Variants in TANC1 observed in about 807,000 individuals in gnomAD.
The protein encoded by TANC1 is protein TANC1.
Under a neutral mutation model 149.7 loss-of-function variants are expected in TANC1, and 77 were observed. The ratio of observed to expected loss-of-function variants is 0.51; its 90% CI spans 0.43 to 0.62. The LOEUF (loss-of-function observed/expected upper bound fraction) is 0.62. Ranked by LOEUF, TANC1 falls within the 20% of genes least tolerant of loss-of-function variation. The probability of loss-of-function intolerance (pLI) is 0.00; values close to 1 mark genes in which losing one functional copy is unlikely to be tolerated. For missense variants in TANC1, 1,985 were observed against 2,321.8 expected (o/e 0.85, Z 2.98); for synonymous variants, 854 against 925.0 (o/e 0.92, Z 1.39).
At chr2:159,201,512 G>A (rs1285347891) in intron 19 of TANC1, among the ~76,000 whole-genome samples, 1 of 152,194 alleles carries the variant, frequency 6.6e-6, no homozygotes, top group African/African-American at 2.4e-5. Flanking sequence ...GTACTGCTGT[G>A]TGCATTGTTG....
At chr2:158,994,915 G>A (rs1367157010) in intron 1 of TANC1, among the ~76,000 whole-genome samples, 2 of 152,224 alleles carry the variant, frequency 1.3e-5, no homozygotes, top group East Asian at 1.9e-4. Flanking sequence ...TACTAAAGGT[G>A]TATTTAAGCC....
Position 159,217,552 on chromosome 2 carries a change from G to C in TANC1, c.3300G>C (p.Gly1100=), listed in dbSNP as rs759092889. The C allele has an allele frequency of 1.8e-5, 29 of 1,614,132 alleles. No individual in the cohort carries two copies. The highest frequency in any genetic ancestry group is 2.5e-5 in the Non-Finnish European group (29 of 1,180,046). The change falls in exon 20 of 27, where the codon GGG becomes GGC. Residue 1100 remains glycine (G), a synonymous_variant. Transcript: ENST00000263635. ...TGGAGGTCTGTGAGCTGCTGCTGGG[G>C]CATGGAGCTGCTGTGTCGCGGACAA... ...GKLEVCELLL[G]HGAAVSRTNR... is the part of the protein sequence containing the mutation.
intron 3 of TANC1, among the ~76,000 whole-genome samples, chr2:159,095,134 G>A (rs1333599404): frequency 6.6e-6 from 1 of 151,866 alleles, no homozygotes. Context: ...TTTTAGTAGA[G>A]ACAGGGTTTC....
At chr2:159,181,328 C>T (rs1341780573) in intron 14 of TANC1, among the ~76,000 whole-genome samples, 1 of 150,728 alleles carries the variant, frequency 6.6e-6, no homozygotes, top group Non-Finnish European at 1.5e-5. Context: ...GACGGAGTCT[C>T]GCTGTCGCCC....
chr2:159,065,970 A>C lies in TANC1; in HGVS notation c.60A>C (p.Ala20=). Residue 20 remains alanine (A), a splice_region_variant and synonymous_variant, in exon 3 of 27, where the codon GCA becomes GCC. Coordinates refer to ENST00000263635, the MANE Select transcript of TANC1 (RefSeq NM_033394.3). ...GAGGAAAGGGAGGCAAGAAGGAAGC[A>C]GGTATGTGTGCAAGAATGAGAAGCT... ...REGGKGGKKE[A]GSDFGPETSP... is the part of the protein sequence containing the mutation. The C allele has an allele frequency of 6.2e-7, 1 of 1,612,550 alleles. No individual in the cohort carries two copies. Among genetic ancestry groups the C allele is most frequent in the Non-Finnish European group, 8.5e-7 (1 of 1,178,540 alleles).
chr2:158,975,501 AG>A (rs1477855914), intron 1 of TANC1, among the ~76,000 whole-genome samples: 1 of 152,128 alleles, frequency 6.6e-6, no homozygotes, highest in Non-Finnish European at 1.5e-5. Context: ...GCATATTTGA[AG>A]CATAAGGTTG....
At chr2:159,117,792 T>C (rs1030752669) in intron 4 of TANC1, among the ~76,000 whole-genome samples, 1 of 150,890 alleles carries the variant, frequency 6.6e-6, no homozygotes, top group African/African-American at 2.4e-5. Flanking sequence ...ATATTGCATT[T>C]AGTTGTCAGG....
intron 4 of TANC1, among the ~76,000 whole-genome samples, chr2:159,109,717 A>G (rs924793873): frequency 1.3e-5 from 2 of 152,186 alleles, no homozygotes; most frequent in Admixed American, 6.5e-5. Flanking sequence ...CCCAGTGTCC[A>G]TGTGCTGCAC....
At chr2:159,003,401 C>T (rs1409901860) in intron 2 of TANC1, among the ~76,000 whole-genome samples, 2 of 152,154 alleles carry the variant, frequency 1.3e-5, no homozygotes, top group African/African-American at 2.4e-5. Context: ...TAACAGGATG[C>T]TTAGGAACAG....
At chr2:159,173,829 C>T (rs2055536394) in intron 11 of TANC1, among the ~76,000 whole-genome samples, 2 of 152,226 alleles carry the variant, frequency 1.3e-5, no homozygotes, top group South Asian at 4.1e-4. Context: ...CCAAAAGTCT[C>T]ATGGCAACTC....
At chr2:159,139,372 A>C (rs2051117729) in intron 5 of TANC1, among the ~76,000 whole-genome samples, 1 of 152,208 alleles carries the variant, frequency 6.6e-6, no homozygotes, top group African/African-American at 2.4e-5. Flanking sequence ...GCCCATTTTC[A>C]TGTCAAATGG....
intron 2 of TANC1, among the ~76,000 whole-genome samples, chr2:159,013,617 T>A (rs958890235): frequency 3.3e-5 from 5 of 152,176 alleles, no homozygotes; most frequent in Non-Finnish European, 7.3e-5. Context: ...CCAATGTGCC[T>A]GACACAGTAC....
intron 2 of TANC1, among the ~76,000 whole-genome samples, chr2:159,043,991 C>T (rs994516613): frequency 6.6e-6 from 1 of 152,158 alleles, no homozygotes; most frequent in Admixed American, 6.5e-5. Context: ...TACAGACTGT[C>T]CTGTTAACTT....
chr2:159,126,755 T>C (rs1172951435), intron 4 of TANC1, among the ~76,000 whole-genome samples: 1 of 152,262 alleles, frequency 6.6e-6, no homozygotes, highest in African/African-American at 2.4e-5. Flanking sequence ...CCAGCTTATG[T>C]TGAAGTGTTT....
chr2:159,004,150 T>A (rs1169750472), intron 2 of TANC1: 2 of 1,612,316 alleles, frequency 1.2e-6, no homozygotes, highest in Non-Finnish European at 8.5e-7. Flanking sequence ...CCTGGAATAT[T>A]AAGTCAGCTT....
At chr2:159,128,305 G>T (rs910908401) in intron 4 of TANC1, among the ~76,000 whole-genome samples, 1 of 152,202 alleles carries the variant, frequency 6.6e-6, no homozygotes, top group African/African-American at 2.4e-5. Context: ...GGGACAGCTG[G>T]TGCACTTCTG....
chr2:159,204,002 C>T (rs1575237986), intron 19 of TANC1, among the ~76,000 whole-genome samples: 1 of 152,228 alleles, frequency 6.6e-6, no homozygotes, highest in East Asian at 1.9e-4. Flanking sequence ...TCTGTTTTGT[C>T]CAGCATGGTA....
chr2:159,179,783 T>C (rs1345103058), intron 14 of TANC1, among the ~76,000 whole-genome samples: 1 of 152,200 alleles, frequency 6.6e-6, no homozygotes, highest in Admixed American at 6.5e-5. Context: ...GCCGCTGTTA[T>C]CACAGTGGGA....
rs2060323830 is a variant in TANC1 at position 159,231,348 on chromosome 2, G to C, written c.*336G>C. ...GGTAGAATCACAGAACTTACTTAGA[G>C]AATAAATATGTCTATTGTTCAAGAG... On this transcript the variant is annotated 3_prime_UTR_variant, in exon 27 of 27. Transcript: ENST00000263635. 2 of 206,852 alleles carry C rather than the reference G, an allele frequency of 9.7e-6. No individual in the cohort carries two copies. Among genetic ancestry groups the C allele is most frequent in the Non-Finnish European group, 9.8e-6 (1 of 102,126 alleles). The allele number at this position is 206,852 out of a possible 1,614,324, so 12.8% of individuals were successfully genotyped here.
Sources: gnomAD v4.1 joint callset for allele counts (sites outside exome capture counted in the v4.1 genomes callset) on GRCh38, gnomAD v4.1.1 for gene constraint, MANE v1.5 for transcripts, NCBI Gene and HGNC (gene_info 2026-07-23, HGNC 2026-07-21) for gene names.